CENPP: variants seen among roughly 807,000 people sequenced by gnomAD.
CENPP encodes centromere protein P.
Under a neutral mutation model 35.6 loss-of-function variants are expected in CENPP, and 24 were observed. That is an observed-to-expected ratio of 0.67 (90% CI 0.49 to 0.95). The LOEUF (loss-of-function observed/expected upper bound fraction) is 0.95, where lower values mean the gene tolerates loss of function less well. CENPP is among the 40% of genes least tolerant of loss of function. The probability of loss-of-function intolerance (pLI) is 0.00; values close to 1 mark genes in which losing one functional copy is unlikely to be tolerated. For synonymous variants in CENPP, 120 were observed against 125.5 expected (o/e 0.96, Z 0.29); for missense variants, 332 against 345.3 (o/e 0.96, Z 0.31).
chr9:92,550,758 T>TGA (rs1386476844), intron 5 of CENPP, among the ~76,000 whole-genome samples: 2 of 152,162 alleles, frequency 1.3e-5, no homozygotes, highest in African/African-American at 4.8e-5. Flanking sequence ...TTGATTCTCT[T>TGA]ATCTTGAAAT....
intron 5 of CENPP, among the ~76,000 whole-genome samples, chr9:92,477,382 T>G (rs1025037133): frequency 5.3e-5 from 8 of 152,206 alleles, no homozygotes; most frequent in Non-Finnish European, 2.9e-5. Context: ...TGCCCAGCTT[T>G]GCCTCAACCT....
rs142450560 is a variant in CENPP, at chr9:92,607,551, A to G, written c.565-3763A>G. On this transcript the variant is annotated intron_variant, in intron 5 of 7. Coordinates refer to ENST00000375587, the MANE Select transcript of CENPP (RefSeq NM_001012267.3). Reference sequence around the variant, plus strand: ...CCATTGAATTATACACTTTAAAGGAATTATGTCTCATATAATTTATATGAA... The same window carrying G: ...CCATTGAATTATACACTTTAAAGGAGTTATGTCTCATATAATTTATATGAA... Among the ~76,000 whole-genome samples, 263 of 152,332 alleles carry G rather than the reference A, an allele frequency of 1.7e-3. 2 individuals are homozygous for G. Among genetic ancestry groups the G allele is most frequent in the Non-Finnish European group, 2.6e-3 (176 of 68,034 alleles).
intron 5 of CENPP, chr9:92,456,906 G>A: frequency 1.0e-6 from 1 of 999,726 alleles, no homozygotes; most frequent in South Asian, 4.2e-5. Flanking sequence ...AACAGCAAAT[G>A]AAAGAGCACA....
intron 5 of CENPP, among the ~76,000 whole-genome samples, chr9:92,588,359 T>C (rs1207300356): frequency 2.6e-5 from 4 of 151,602 alleles, no homozygotes; most frequent in African/African-American, 9.7e-5. Flanking sequence ...ACCATTCTCC[T>C]GCCTCAGTCT....
chr9:92,551,334 C>T (rs886302824), intron 5 of CENPP, among the ~76,000 whole-genome samples: 3 of 151,932 alleles, frequency 2.0e-5, no homozygotes, highest in Admixed American at 6.6e-5. Flanking sequence ...CCCAAAATGA[C>T]GTCTGATGCT....
chr9:92,330,703 T>TG (rs918110070), intron 1 of CENPP, among the ~76,000 whole-genome samples: 2 of 149,608 alleles, frequency 1.3e-5, no homozygotes, highest in African/African-American at 5.0e-5. Context: ...TTTTTTTTTT[T>TG]GTTGAGACAG....
chr9:92,579,709 A>G lies in CENPP; in HGVS notation c.565-31605A>G, dbSNP rs954476794. 8.3e-5 allele frequency among the ~76,000 whole-genome samples: 12 copies of G among 144,606 alleles called. No individual in the cohort carries two copies. The South Asian group carries it at 1.3e-3, about 16-fold the overall frequency. The allele number at this position is 144,606 out of a possible 152,430, so 94.9% of individuals were successfully genotyped here. A position where few individuals can be genotyped will look rare whatever the true frequency, so the allele number is the denominator to read the frequency against. The stretch of plus-strand genomic sequence containing the variant: ...GCTTAAGGAGATTTTGGGCTGAGAC[A>G]ATGGGGTTTTCTAGATATACAATCA... On this transcript the variant is annotated intron_variant, in intron 5 of 7. Transcript: ENST00000375587.
chr9:92,600,496 G>T (rs777281016), intron 5 of CENPP: 1 of 1,612,904 alleles, frequency 6.2e-7, no homozygotes, highest in Non-Finnish European at 8.5e-7. Context: ...TTCTGCAAAG[G>T]TCTGGAGATG....
chr9:92,389,803 T>C, intron 5 of CENPP: 1 of 1,216,434 alleles, frequency 8.2e-7, no homozygotes, highest in Non-Finnish European at 1.2e-6. Context: ...TTCTCTTTTA[T>C]CTATCATATC....
intron 5 of CENPP, chr9:92,502,576 A>G (rs781088190): frequency 6.2e-7 from 1 of 1,611,900 alleles, no homozygotes; most frequent in South Asian, 1.1e-5. Flanking sequence ...ACGTAGTACA[A>G]TGACATTGAT....
chr9:92,603,603 T>C, intron 5 of CENPP, among the ~76,000 whole-genome samples: 1 of 152,034 alleles, frequency 6.6e-6, no homozygotes, highest in East Asian at 1.9e-4. Context: ...CTTCCCCACC[T>C]TCCTGCCTAC....
chr9:92,595,930 C>T (rs981101692), intron 5 of CENPP, among the ~76,000 whole-genome samples: 4 of 152,086 alleles, frequency 2.6e-5, no homozygotes, highest in Admixed American at 1.3e-4. Context: ...TTTGAACATA[C>T]ATCATTGGCT....
intron 5 of CENPP, among the ~76,000 whole-genome samples, chr9:92,410,687 C>T (rs2130946959): frequency 6.6e-6 from 1 of 152,122 alleles, no homozygotes; most frequent in East Asian, 1.9e-4. Flanking sequence ...GTTTTGTGTG[C>T]CAGGAAAAAC....
At chr9:92,581,437 T>C (rs1850422801) in intron 5 of CENPP, among the ~76,000 whole-genome samples, 1 of 152,102 alleles carries the variant, frequency 6.6e-6, no homozygotes, top group African/African-American at 2.4e-5. Context: ...GGAACTGCAG[T>C]GACCAAAGAT....
At chr9:92,483,873 G>T (rs1042164568) in intron 5 of CENPP, among the ~76,000 whole-genome samples, 1 of 152,166 alleles carries the variant, frequency 6.6e-6, no homozygotes, top group African/African-American at 2.4e-5. Flanking sequence ...CCCATTAGTG[G>T]CCCTCTGTAA....
chr9:92,620,298 C>T lies in CENPP; in HGVS notation c.*7149C>T, dbSNP rs575640222. 1 of 152,690 alleles carries T rather than the reference C, an allele frequency of 6.5e-6. No individual in the cohort carries two copies. Among genetic ancestry groups the T allele is most frequent in the Non-Finnish European group, 1.5e-5 (1 of 68,312 alleles). 9.5% of individuals were successfully genotyped at this position (152,690 alleles called of 1,614,324 possible). A position where few individuals can be genotyped will look rare whatever the true frequency, so the allele number is the denominator to read the frequency against. On this transcript the variant is annotated 3_prime_UTR_variant, in exon 8 of 8. Coordinates refer to ENST00000375587, the MANE Select transcript of CENPP (RefSeq NM_001012267.3). ...CATACTGACCAGGGACAGCTCAACA[C>T]ACACCACACTGTCAGAGTCGACATA...
intron 5 of CENPP, among the ~76,000 whole-genome samples, chr9:92,556,679 C>T (rs1849730274): frequency 6.6e-6 from 1 of 152,126 alleles, no homozygotes; most frequent in African/African-American, 2.4e-5. Flanking sequence ...TGTCTATTTG[C>T]ATGAAATGCC....
At chr9:92,365,455 C>T (rs1165394538) in intron 4 of CENPP, among the ~76,000 whole-genome samples, 4 of 145,086 alleles carry the variant, frequency 2.8e-5, no homozygotes, top group East Asian at 2.0e-4. Flanking sequence ...CTCTCACTCA[C>T]GCTGGAGTTC....
intron 5 of CENPP, among the ~76,000 whole-genome samples, chr9:92,568,191 T>C (rs1300260299): frequency 6.6e-6 from 1 of 152,138 alleles, no homozygotes; most frequent in Non-Finnish European, 1.5e-5. Context: ...ACTCGTTAAC[T>C]CAACATTTAC....
Sources: gnomAD v4.1 joint callset for allele counts (sites outside exome capture counted in the v4.1 genomes callset) on GRCh38, gnomAD v4.1.1 for gene constraint, MANE v1.5 for transcripts, NCBI Gene and HGNC (gene_info 2026-07-23, HGNC 2026-07-21) for gene names.